Variants in TEX14 observed in about 807,000 individuals in gnomAD.
TEX14 encodes the protein inactive serine/threonine-protein kinase TEX14.
A neutral mutation model predicts 178.6 loss-of-function variants in TEX14; 168 were observed. The observed-to-expected ratio is 0.94, with a 90% CI of 0.83 to 1.07. The LOEUF (loss-of-function observed/expected upper bound fraction) is 1.07. Among genes scored for constraint, TEX14 ranks in the 50% least tolerant of loss-of-function variants. TEX14 has a pLI of 0.00. For synonymous variants in TEX14, 626 were observed against 634.1 expected, an observed-to-expected ratio of 0.99 and a Z score of 0.19; for missense variants, 1,730 against 1,753.6, an observed-to-expected ratio of 0.99 and a Z score of 0.24.
chr17:58,659,297 C>A, intron 1 of TEX14: 1 of 968,296 alleles, frequency 1.0e-6, no homozygotes, highest in Non-Finnish European at 1.2e-6. Flanking sequence ...TCCCCCGCCA[C>A]AAAGACATTA....
intron 2 of TEX14, among the ~76,000 whole-genome samples, chr17:58,637,514 T>C (rs899860615): frequency 1.3e-5 from 2 of 152,130 alleles, no homozygotes; most frequent in South Asian, 4.1e-4. Flanking sequence ...TGGCTAGTGA[T>C]TTAATCTACC....
At chr17:58,671,912 T>C (rs1403204630) in intron 1 of TEX14, among the ~76,000 whole-genome samples, 1 of 152,060 alleles carries the variant, frequency 6.6e-6, no homozygotes, top group Non-Finnish European at 1.5e-5. Flanking sequence ...TCTCACCTAC[T>C]TCATGCTGCA....
At chr17:58,640,612 AGTGTGTGTGTGTGT>A (rs33931543) in intron 2 of TEX14, among the ~76,000 whole-genome samples, 2 of 143,860 alleles carry the variant, frequency 1.4e-5, no homozygotes, top group East Asian at 2.0e-4. Flanking sequence ...CTTACCTTCT[AGTGTGTGTGTGTGT>A]GTGTGTGTGT....
chr17:58,661,379 G>T, intron 1 of TEX14: 1 of 921,592 alleles, frequency 1.1e-6, no homozygotes, highest in Non-Finnish European at 1.8e-6. Context: ...GTCGGTGGAA[G>T]TAATCTCCTC....
chr17:58,573,104 C>T, intron 23 of TEX14, 77 bp downstream of exon 23: 2 of 1,569,952 alleles, frequency 1.3e-6, no homozygotes, highest in Non-Finnish European at 1.7e-6. Context: ...GCTCTGATAC[C>T]ACGGCTTGGC....
Position 58,599,420 on chromosome 17 carries a change from G to C in TEX14, c.1925C>G (p.Ala642Gly), listed in dbSNP as rs1342179721. The change falls in exon 14 of 32, where the codon GCT (alanine) becomes GGT (glycine). Residue 642 changes from alanine to glycine, a missense_variant. By Grantham distance (60) the Ala-to-Gly change is moderately conservative (BLOSUM62 0). Coordinates refer to ENST00000349033, the MANE Select transcript of TEX14 (RefSeq NM_031272.5). ...LEDDIEEPPG[A>G]ASSLEADGPN... ...TCCGTCTGCCTCCAAAGATGAAGCA[G>C]CTCCTGGAGGCTCTTCTATGTCATC... is the stretch of plus-strand genomic sequence containing the variant. 7 of 1,614,160 alleles carry C rather than the reference G, an allele frequency of 4.3e-6. No individual in the cohort carries two copies. The highest frequency in any genetic ancestry group is 5.1e-6 in the Non-Finnish European group (6 of 1,180,032).
chr17:58,604,957 C>T (rs774494427), intron 11 of TEX14, 21 bp downstream of exon 11: 8 of 1,613,592 alleles, frequency 5.0e-6, no homozygotes, highest in Admixed American at 1.7e-5. Flanking sequence ...CTTTGGTCAA[C>T]CATTAATGAT....
chr17:58,587,655 T>C lies in TEX14; in HGVS notation c.2714A>G (p.Glu905Gly), dbSNP rs2045009327. The stretch of plus-strand genomic sequence containing the variant: ...ATTATAGATTTCAGAAGAAACAGGT[T>C]CCACACTCATCCTGAATTGCACGGG... ...CHWDSTRMSV[E>G]PVSSEIYNAE... Residue 905 changes from glutamate to glycine, a missense_variant, in exon 17 of 32, where the codon GAA (glutamate) becomes GGA (glycine). Glu to Gly is a moderately conservative substitution (Grantham distance 98, BLOSUM62 -2). This residue lies in a region of TEX14 where 941 missense variants were observed against 1,072.4 expected (regional missense o/e 0.88). Coordinates refer to ENST00000349033, the MANE Select transcript of TEX14 (RefSeq NM_031272.5). The C allele has an allele frequency of 6.2e-7, 1 of 1,603,774 alleles. No individual in the cohort carries two copies. Among genetic ancestry groups the C allele is most frequent in the African/African-American group, 1.3e-5 (1 of 74,314 alleles).
In TEX14 at chr17:58,604,984, A is replaced by C; in HGVS notation, c.1330T>G (p.Leu444Val). Residue 444 changes from leucine (L) to valine (V), a missense_variant, in exon 11 of 32, where the codon TTA becomes GTA. Transcript: ENST00000349033. ...YSFSMIMQEI[L>V]TDDIPWKGLD... ...ATTAATGATCTTGATCTACCTGTTA[A>C]AATCTCCTGCATGATCATAGAAAAG... is the stretch of plus-strand genomic sequence containing the variant. The C allele has an allele frequency of 1.2e-6, 2 of 1,614,186 alleles. No homozygotes were observed. Among genetic ancestry groups the C allele is most frequent in the Non-Finnish European group, 1.7e-6 (2 of 1,180,012 alleles).
At chr17:58,559,423 A>ACT in intron 30 of TEX14, 30 bp downstream of exon 30, 1 of 989,066 alleles carries the variant, frequency 1.0e-6, no homozygotes, top group Non-Finnish European at 1.6e-6. Context: ...AGGACTACAG[A>ACT]CTACATTATA....
In TEX14 at chr17:58,666,929, C is replaced by CATAGG. The variant is rs1325751415; in HGVS notation, c.-1-14932_-1-14928dup. On this transcript the variant is annotated intron_variant, in intron 1 of 31. Coordinates refer to ENST00000349033, the MANE Select transcript of TEX14 (RefSeq NM_031272.5). ...CTCCACCTCCCGGCGTGACGTCATG[C>CATAGG]ATAGGCCTGGCTGGTCAGAGAGCGC... 2.7e-4 allele frequency among the ~76,000 whole-genome samples: 41 copies of CATAGG among 152,194 alleles called. 1 individual carries two copies. Among genetic ancestry groups the CATAGG allele is most frequent in the Admixed American group, 2.7e-3 (41 of 15,264 alleles).
At chr17:58,628,353 C>T (rs1452106777) in intron 3 of TEX14, among the ~76,000 whole-genome samples, 2 of 151,792 alleles carry the variant, frequency 1.3e-5, no homozygotes, top group South Asian at 2.1e-4. Flanking sequence ...CTGAGGCGGG[C>T]GGACCATGAG....
At chr17:58,617,704 T>A (rs1195708146) in intron 5 of TEX14, 85 bp from the exon 6 acceptor site, 2 of 932,584 alleles carry the variant, frequency 2.1e-6, no homozygotes, top group Non-Finnish European at 3.3e-6. Flanking sequence ...TTTCAGAAGG[T>A]GTAGTTGACT....
chr17:58,636,036 C>T (rs929888444), intron 2 of TEX14, among the ~76,000 whole-genome samples: 4 of 152,088 alleles, frequency 2.6e-5, no homozygotes, highest in African/African-American at 4.8e-5. Context: ...TGAGCCACCG[C>T]GTCCCAAGGG....
chr17:58,666,524 C>T (rs573651740), intron 1 of TEX14: 6 of 134,320 alleles, frequency 4.5e-5, no homozygotes, highest in Admixed American at 2.3e-4. Flanking sequence ...ACTTGCATTT[C>T]AACTACCACA....
chr17:58,640,021 T>C (rs1334403885), intron 2 of TEX14, among the ~76,000 whole-genome samples: 2 of 152,138 alleles, frequency 1.3e-5, no homozygotes, highest in Non-Finnish European at 2.9e-5. Flanking sequence ...ATAATGGTAA[T>C]AGCTACTGGC....
Position 58,649,024 on chromosome 17 carries a change from G to A in TEX14, c.136+2842C>T, listed in dbSNP as rs542462149. 6.3e-4 allele frequency among the ~76,000 whole-genome samples: 95 copies of A among 150,100 alleles called. 1 individual carries two copies. The South Asian group carries it at 9.7e-3, about 15-fold the overall frequency. ...GATCTCCTGACCTCGTGATCCGCTCGCCTCGGTCTCCCAAAGTGCTGGGAT... is the reference window on the plus strand; with the variant it reads ...GATCTCCTGACCTCGTGATCCGCTCACCTCGGTCTCCCAAAGTGCTGGGAT... On this transcript the variant is annotated intron_variant, in intron 2 of 31. Transcript: ENST00000349033.
intron 1 of TEX14, among the ~76,000 whole-genome samples, chr17:58,669,372 A>C (rs927323619): frequency 1.9e-4 from 29 of 151,628 alleles, no homozygotes; most frequent in Admixed American, 4.6e-4. Context: ...AAAAAAAAAA[A>C]CAGGAGGGGG....
chr17:58,690,372 C>T (rs1825664488), intron 1 of TEX14, among the ~76,000 whole-genome samples: 1 of 151,998 alleles, frequency 6.6e-6, no homozygotes, highest in Non-Finnish European at 1.5e-5. Context: ...TGCCCTGTTG[C>T]CCAGGCTGGT....
Sources: allele counts gnomAD v4.1 joint callset (sites outside exome capture counted in the v4.1 genomes callset), GRCh38; gene constraint gnomAD v4.1.1; regional missense constraint gnomAD v4.1.1; transcripts MANE v1.5; gene names NCBI Gene and HGNC (gene_info 2026-07-23, HGNC 2026-07-21).